ABHD17B: variants seen among roughly 807,000 people sequenced by gnomAD.
The protein encoded by ABHD17B is abhydrolase domain containing 17B, depalmitoylase.
ABHD17B carries 9 observed loss-of-function variants against 26.2 expected under a neutral mutation model. The ratio of observed to expected loss-of-function variants is 0.34; its 90% CI spans 0.21 to 0.60. ABHD17B has a LOEUF of 0.60. Ranked by LOEUF, ABHD17B falls within the 20% of genes least tolerant of loss-of-function variation. The pLI, the probability that ABHD17B is intolerant of heterozygous loss-of-function variation, is 0.80. For synonymous variants in ABHD17B, 127 were observed against 122.3 expected, an observed-to-expected ratio of 1.04 and a Z score of -0.25; for missense variants, 224 against 352.1, an observed-to-expected ratio of 0.64 and a Z score of 2.91.
chr9:71,872,725 G>T (rs1413134558), intron 2 of ABHD17B, among the ~76,000 whole-genome samples: 2 of 151,946 alleles, frequency 1.3e-5, no homozygotes, highest in African/African-American at 2.4e-5. Flanking sequence ...TAAAAAGTGG[G>T]CACTCAGTTT....
chr9:71,908,810 G>T (rs1031878499), intron 1 of ABHD17B, among the ~76,000 whole-genome samples: 1 of 152,138 alleles, frequency 6.6e-6, no homozygotes, highest in African/African-American at 2.4e-5. Flanking sequence ...CACATAACCA[G>T]AGTAACTGTT....
intron 1 of ABHD17B, among the ~76,000 whole-genome samples, chr9:71,903,888 A>C (rs1209368260): frequency 6.6e-6 from 1 of 152,190 alleles, no homozygotes; most frequent in Non-Finnish European, 1.5e-5. Flanking sequence ...TATATCTTTT[A>C]ATCTTAATAA....
chr9:71,882,847 A>ATATATAT (rs958122590), intron 1 of ABHD17B, among the ~76,000 whole-genome samples: 50 of 152,166 alleles, frequency 3.3e-4, no homozygotes, highest in African/African-American at 7.0e-4. Flanking sequence ...TTCTGTGAAT[A>ATATATAT]TATATATTAA....
At chr9:71,869,803 T>G (rs1437861759) in intron 3 of ABHD17B, among the ~76,000 whole-genome samples, 1 of 152,102 alleles carries the variant, frequency 6.6e-6, no homozygotes, top group South Asian at 2.1e-4. Flanking sequence ...TCTGTCAAAT[T>G]TATGTTTCAA....
In ABHD17B at chr9:71,865,955, C is replaced by T. The variant is rs976394485; in HGVS notation, c.*832G>A. On this transcript the variant is annotated 3_prime_UTR_variant, in exon 4 of 4. Coordinates refer to ENST00000333421, the MANE Select transcript of ABHD17B (RefSeq NM_001025780.3). ...ACTCATGGACTTTCGGGATTTCATA[C>T]AATGAAGACTACTGCAATTCTATGA... 2 of 985,134 alleles carry T rather than the reference C, an allele frequency of 2.0e-6. No homozygotes were observed. The highest frequency in any genetic ancestry group is 2.4e-6 in the Non-Finnish European group (2 of 829,814). The allele number at this position is 985,134 out of a possible 1,614,324, so 61.0% of individuals were successfully genotyped here. A position where few individuals can be genotyped will look rare whatever the true frequency, so the allele number is the denominator to read the frequency against.
intron 1 of ABHD17B, among the ~76,000 whole-genome samples, chr9:71,893,256 T>C (rs1826848128): frequency 6.6e-6 from 1 of 152,156 alleles, no homozygotes; most frequent in Non-Finnish European, 1.5e-5. Context: ...TCCCACCCAG[T>C]TCAATTCCAA....
chr9:71,872,493 AC>A (rs1343515855), intron 2 of ABHD17B, among the ~76,000 whole-genome samples: 2 of 152,182 alleles, frequency 1.3e-5, no homozygotes, highest in Non-Finnish European at 2.9e-5. Flanking sequence ...AGAACACTGA[AC>A]TGAATACTAA....
At chr9:71,874,177 A>ATT (rs11419236) in intron 2 of ABHD17B, among the ~76,000 whole-genome samples, 20,469 of 146,992 alleles carry the variant, frequency 0.14, 1,494 homozygotes, top group Middle Eastern at 0.17. Flanking sequence ...ACTGGATTTA[A>ATT]TTTTTTTTTT....
intron 1 of ABHD17B, among the ~76,000 whole-genome samples, chr9:71,906,034 G>A (rs564651539): frequency 6.6e-6 from 1 of 152,246 alleles, no homozygotes; most frequent in South Asian, 2.1e-4. Context: ...GGGCAACAGA[G>A]TGAGAATCTG....
At chr9:71,895,814 TG>T (rs766006728) in intron 1 of ABHD17B, among the ~76,000 whole-genome samples, 27 of 152,172 alleles carry the variant, frequency 1.8e-4, no homozygotes, top group Non-Finnish European at 2.6e-4. Flanking sequence ...AATCACTTAA[TG>T]TGCCAACAGC....
chr9:71,876,724 A>T (rs1289813682), intron 1 of ABHD17B, among the ~76,000 whole-genome samples: 1 of 152,208 alleles, frequency 6.6e-6, no homozygotes, highest in Non-Finnish European at 1.5e-5. Flanking sequence ...CTGGGGGAAA[A>T]AATGCCCTTT....
At chr9:71,873,849 A>G (rs960036967) in intron 2 of ABHD17B, among the ~76,000 whole-genome samples, 1 of 152,206 alleles carries the variant, frequency 6.6e-6, no homozygotes, top group Non-Finnish European at 1.5e-5. Flanking sequence ...ATTTTTTTAA[A>G]CTTGATATAA....
At chr9:71,891,790 C>A (rs765454273) in intron 1 of ABHD17B, among the ~76,000 whole-genome samples, 1 of 152,304 alleles carries the variant, frequency 6.6e-6, no homozygotes. Flanking sequence ...ATAGGGCAAA[C>A]AAGTATGTTC....
downstream of ABHD17B, among the ~76,000 whole-genome samples, chr9:71,863,309 C>T (rs1232411561): frequency 6.6e-6 from 1 of 152,140 alleles, no homozygotes; most frequent in Non-Finnish European, 1.5e-5. Context: ...TTTCACATTA[C>T]ATTAGAAATG....
Position 71,865,513 on chromosome 9 carries a change from G to A in ABHD17B, c.*1274C>T, listed in dbSNP as rs1589205610. ...AACGTATTCTTATCTCCTATACCCA[G>A]GAGTGAATCCATGAAATTCTCAGAT... is the stretch of plus-strand genomic sequence containing the variant. On this transcript the variant is annotated 3_prime_UTR_variant, in exon 4 of 4. Transcript: ENST00000333421. 4.1e-6 allele frequency: 4 copies of A among 984,460 alleles called. No homozygotes were observed. Among genetic ancestry groups the A allele is most frequent in the South Asian group, 9.4e-5 (2 of 21,266 alleles). The allele number at this position is 984,460 out of a possible 1,614,324, so 61.0% of individuals were successfully genotyped here.
intron 1 of ABHD17B, among the ~76,000 whole-genome samples, chr9:71,905,774 C>G (rs958056570): frequency 1.3e-5 from 2 of 152,146 alleles, no homozygotes; most frequent in African/African-American, 4.8e-5. Flanking sequence ...CCTATAATCC[C>G]AGCACTTTTG....
intron 1 of ABHD17B, among the ~76,000 whole-genome samples, chr9:71,891,540 G>A (rs1056118712): frequency 2.6e-5 from 4 of 152,076 alleles, no homozygotes; most frequent in Non-Finnish European, 5.9e-5. Flanking sequence ...CATGCTGTTG[G>A]AATGCTTCTT....
intron 1 of ABHD17B, among the ~76,000 whole-genome samples, chr9:71,887,293 TA>T (rs199554538): frequency 2.7e-5 from 4 of 150,820 alleles, no homozygotes; most frequent in Non-Finnish European, 4.4e-5. Flanking sequence ...ACTATCCTAG[TA>T]AAAAAAAAGC....
chr9:71,867,718 C>G (rs915537982), intron 3 of ABHD17B, among the ~76,000 whole-genome samples: 119 of 152,154 alleles, frequency 7.8e-4, no homozygotes, highest in African/African-American at 2.7e-3. Flanking sequence ...TTTGCCTGTT[C>G]ATATACCCAG....
Sources: gnomAD v4.1 joint callset for allele counts (sites outside exome capture counted in the v4.1 genomes callset) on GRCh38, gnomAD v4.1.1 for gene constraint, MANE v1.5 for transcripts, NCBI Gene and HGNC (gene_info 2026-07-23, HGNC 2026-07-21) for gene names.